GPC6: variants seen among roughly 807,000 people sequenced by gnomAD.
GPC6 encodes glypican 6, also known as glypican-6.
Under a neutral mutation model 55.2 loss-of-function variants are expected in GPC6, and 14 were observed. The observed-to-expected ratio is 0.25, with a 90% CI of 0.17 to 0.40. GPC6 has a LOEUF of 0.40. GPC6 is among the 10% of genes least tolerant of loss of function. The pLI is 1.00. For synonymous variants in GPC6, 278 were observed against 259.6 expected, an observed-to-expected ratio of 1.07 and a Z score of -0.68; for missense variants, 641 against 708.5, an observed-to-expected ratio of 0.90 and a Z score of 1.08.
rs533063709 is a variant in GPC6, at chr13:94,047,671, G to A, written c.877+19777G>A. On this transcript the variant is annotated intron_variant, in intron 4 of 8. Transcript: ENST00000377047. ...ATATTCATTGTAATAAAGAAAAACG[G>A]TTTTCAAGGTGAAAATGGTCTTTGC... 1.4e-4 allele frequency among the ~76,000 whole-genome samples: 22 copies of A among 152,218 alleles called. 1 individual carries two copies. The South Asian group carries it at 4.1e-3, about 29-fold the overall frequency.
chr13:93,872,787 T>C (rs1594543545), intron 3 of GPC6, among the ~76,000 whole-genome samples: 1 of 152,020 alleles, frequency 6.6e-6, no homozygotes, highest in Non-Finnish European at 1.5e-5. Flanking sequence ...CTAAGAAATA[T>C]GGGGGTCTGT....
At chr13:93,295,053 T>A (rs1201360999) in intron 1 of GPC6, among the ~76,000 whole-genome samples, 3 of 148,796 alleles carry the variant, frequency 2.0e-5, no homozygotes, top group Non-Finnish European at 4.4e-5. Flanking sequence ...GGCAGATTGC[T>A]TGAGCCTCAG....
intron 2 of GPC6, among the ~76,000 whole-genome samples, chr13:93,610,378 G>A (rs576969784): frequency 2.0e-5 from 3 of 152,302 alleles, no homozygotes; most frequent in African/African-American, 7.2e-5. Flanking sequence ...CAGAATGTGT[G>A]CGTAGGTGTG....
chr13:94,287,751 C>T (rs1348733705), intron 5 of GPC6, among the ~76,000 whole-genome samples: 1 of 152,180 alleles, frequency 6.6e-6, no homozygotes, highest in Non-Finnish European at 1.5e-5. Flanking sequence ...AAATAGCAAT[C>T]ATCCATTCCT....
intron 4 of GPC6, among the ~76,000 whole-genome samples, chr13:94,243,658 T>C (rs555211324): frequency 6.6e-6 from 1 of 152,274 alleles, no homozygotes; most frequent in East Asian, 1.9e-4. Flanking sequence ...AACTGCATGA[T>C]TTTGTTAGAA....
chr13:93,667,139 A>G (rs779456061), intron 2 of GPC6, among the ~76,000 whole-genome samples: 30 of 152,172 alleles, frequency 2.0e-4, no homozygotes, highest in Non-Finnish European at 3.4e-4. Context: ...ATACAGATCT[A>G]TTTTGGTATG....
chr13:94,088,549 GGGA>G (rs1885366900), intron 4 of GPC6, among the ~76,000 whole-genome samples: 1 of 92,588 alleles, frequency 1.1e-5, no homozygotes, highest in East Asian at 2.9e-4. Context: ...AGAGAGGGAA[GGGA>G]AGGGAAGGGC....
At chr13:93,363,105 TCCTTTTTTTTTG>T (rs1881101356) in intron 1 of GPC6, among the ~76,000 whole-genome samples, 1 of 141,306 alleles carries the variant, frequency 7.1e-6, no homozygotes, top group African/African-American at 2.7e-5. Flanking sequence ...TTTTTTTCTT[TCCTTTTTTTTTG>T]TTTTTTTTTT....
At chr13:93,976,686 C>A (rs565371090) in intron 3 of GPC6, among the ~76,000 whole-genome samples, 1 of 151,454 alleles carries the variant, frequency 6.6e-6, no homozygotes, top group Non-Finnish European at 1.5e-5. Flanking sequence ...CATGGCACCC[C>A]CTCCCTTGGT....
At chr13:93,435,538 T>C (rs1339411044) in intron 1 of GPC6, among the ~76,000 whole-genome samples, 2 of 152,168 alleles carry the variant, frequency 1.3e-5, no homozygotes, top group African/African-American at 4.8e-5. Flanking sequence ...GTTCTTATTA[T>C]TGCCCCAAAT....
At chr13:94,371,202 C>T (rs540661686) in intron 6 of GPC6, among the ~76,000 whole-genome samples, 82 of 152,248 alleles carry the variant, frequency 5.4e-4, no homozygotes, top group African/African-American at 1.7e-3. Context: ...GATCCCTGTA[C>T]GGACTGATTG....
At chr13:93,424,548 T>G (rs1028270257) in intron 1 of GPC6, among the ~76,000 whole-genome samples, 1 of 152,072 alleles carries the variant, frequency 6.6e-6, no homozygotes, top group Admixed American at 6.6e-5. Flanking sequence ...AAATTTCCAC[T>G]GAACTCTAAA....
intron 1 of GPC6, among the ~76,000 whole-genome samples, chr13:93,313,687 G>T (rs1879150046): frequency 6.6e-6 from 1 of 151,796 alleles, no homozygotes; most frequent in Non-Finnish European, 1.5e-5. Context: ...ACAAGATCTT[G>T]ATATGTTGCC....
chr13:94,277,901 TG>T (rs1396321150), intron 4 of GPC6, among the ~76,000 whole-genome samples: 2 of 151,986 alleles, frequency 1.3e-5, no homozygotes, highest in African/African-American at 2.4e-5. Context: ...TGGCTGTTCT[TG>T]TTCTTTGTCT....
chr13:94,073,851 A>C (rs1232247071), intron 4 of GPC6, among the ~76,000 whole-genome samples: 1 of 152,244 alleles, frequency 6.6e-6, no homozygotes, highest in African/African-American at 2.4e-5. Context: ...AAAAAATGAC[A>C]TAAATGGTGC....
intron 2 of GPC6, among the ~76,000 whole-genome samples, chr13:93,758,511 A>G (rs899894645): frequency 1.3e-5 from 2 of 152,260 alleles, no homozygotes; most frequent in East Asian, 3.9e-4. Context: ...TATAAAATAT[A>G]CATATTGTCC....
intron 4 of GPC6, among the ~76,000 whole-genome samples, chr13:94,062,727 A>C (rs943915): frequency 3.6e-4 from 55 of 152,136 alleles, no homozygotes; most frequent in Middle Eastern, 3.4e-3. Context: ...ACTGTAAATC[A>C]TATGAAAAAC....
At chr13:93,774,869 G>T (rs1885416417) in intron 2 of GPC6, among the ~76,000 whole-genome samples, 1 of 152,146 alleles carries the variant, frequency 6.6e-6, no homozygotes, top group East Asian at 1.9e-4. Context: ...TATTGAAGCA[G>T]ACAGGGCATG....
intron 4 of GPC6, among the ~76,000 whole-genome samples, chr13:94,066,849 T>A (rs995478883): frequency 2.6e-5 from 4 of 152,208 alleles, no homozygotes; most frequent in Non-Finnish European, 5.9e-5. Flanking sequence ...TGAATATAAG[T>A]ATTAATTCTC....
Sources: gnomAD v4.1 joint callset for allele counts (sites outside exome capture counted in the v4.1 genomes callset) on GRCh38, gnomAD v4.1.1 for gene constraint, MANE v1.5 for transcripts, NCBI Gene and HGNC (gene_info 2026-07-23, HGNC 2026-07-21) for gene names.